LARS1: variants seen among roughly 807,000 people sequenced by gnomAD.
The protein encoded by LARS1 is leucine--tRNA ligase, cytoplasmic.
In LARS1, 100 loss-of-function variants were observed where a neutral mutation model predicts 162.8. The observed-to-expected ratio is 0.61, with a 90% CI of 0.52 to 0.73. LARS1 has a LOEUF of 0.73. Among genes scored for constraint, LARS1 ranks in the 30% least tolerant of loss-of-function variants. The probability of loss-of-function intolerance (pLI) is 0.00; values close to 1 mark genes in which losing one functional copy is unlikely to be tolerated. For missense variants in LARS1, 1,258 were observed against 1,408.9 expected (o/e 0.89, Z 1.71); for synonymous variants, 457 against 462.8 (o/e 0.99, Z 0.16).
intron 22 of LARS1, among the ~76,000 whole-genome samples, chr5:146,134,758 G>C (rs1752434981): frequency 6.6e-6 from 1 of 152,168 alleles, no homozygotes; most frequent in African/African-American, 2.4e-5. Flanking sequence ...AGACCAGCCT[G>C]GCCAACAAGG....
chr5:146,143,606 C>A, intron 18 of LARS1, 56 bp from the exon 19 acceptor site: 1 of 1,552,030 alleles, frequency 6.4e-7, no homozygotes, highest in Non-Finnish European at 8.8e-7. Flanking sequence ...TCTATAGAAT[C>A]CACATTTTTA....
At chr5:146,160,316 G>C (rs966707317) in intron 7 of LARS1, 58 bp downstream of exon 7, 1 of 934,354 alleles carries the variant, frequency 1.1e-6, no homozygotes, top group Non-Finnish European at 1.6e-6. Flanking sequence ...GATTACAGGC[G>C]TGAGCCTCTG....
rs758907744 is a variant in LARS1 at position 146,157,802 on chromosome 5, A to C, written c.772-7T>G. ...ATTCCTGAGGTCCAACACCCTAAGC[A>C]AATAAACGATACAAAAATTTGAAGG... is the stretch of plus-strand genomic sequence containing the variant. On this transcript the variant is annotated splice_region_variant and splice_polypyrimidine_tract_variant and intron_variant, in intron 8 of 31. Transcript: ENST00000394434. The C allele has an allele frequency of 6.2e-7, 1 of 1,613,574 alleles. No homozygotes were observed. The highest frequency in any genetic ancestry group is 2.2e-5 in the East Asian group (1 of 44,880).
intron 15 of LARS1, 29 bp from the exon 16 acceptor site, chr5:146,144,738 G>C (rs57329881): frequency 1.3e-6 from 2 of 1,551,500 alleles, no homozygotes; most frequent in African/African-American, 2.7e-5. Flanking sequence ...ACATACATTA[G>C]ATACTATGTC....
chr5:146,179,607 C>G (rs1255515051), intron 1 of LARS1: 5 of 377,228 alleles, frequency 1.3e-5, no homozygotes, highest in Non-Finnish European at 1.6e-5. Flanking sequence ...GTGTGTGTGT[C>G]TGTGTGAGAG....
chr5:146,125,010 C>A (rs1294444989), intron 28 of LARS1, among the ~76,000 whole-genome samples: 1 of 151,862 alleles, frequency 6.6e-6, no homozygotes, highest in Non-Finnish European at 1.5e-5. Flanking sequence ...TATACACACA[C>A]ACACACGCAC....
chr5:146,162,086 A>G (rs1753804319), intron 6 of LARS1, among the ~76,000 whole-genome samples: 1 of 152,202 alleles, frequency 6.6e-6, no homozygotes, highest in Non-Finnish European at 1.5e-5. Flanking sequence ...AGTTAAAATC[A>G]GCTTCTTCCA....
At chr5:146,118,880 TACC>T (rs1175776465) in intron 31 of LARS1, among the ~76,000 whole-genome samples, 1 of 152,204 alleles carries the variant, frequency 6.6e-6, no homozygotes, top group Non-Finnish European at 1.5e-5. Flanking sequence ...AGGTATATTT[TACC>T]ACAATTAAAA....
chr5:146,145,931 A>AT (rs2126492227), intron 15 of LARS1, among the ~76,000 whole-genome samples: 1 of 152,394 alleles, frequency 6.6e-6, no homozygotes, highest in East Asian at 1.9e-4. Flanking sequence ...AATGACAAAT[A>AT]TATTAGCAGC....
chr5:146,134,110 C>T (rs1752408521), intron 22 of LARS1, among the ~76,000 whole-genome samples: 1 of 152,176 alleles, frequency 6.6e-6, no homozygotes, highest in Non-Finnish European at 1.5e-5. Flanking sequence ...TCCCAAAGTG[C>T]TGGGATTACA....
intron 31 of LARS1, among the ~76,000 whole-genome samples, chr5:146,115,040 CG>C (rs199997204): frequency 4.3e-4 from 39 of 90,094 alleles, no homozygotes; most frequent in Middle Eastern, 5.8e-3. Context: ...AAGATTCTGT[CG>C]GGGGGAAAAA....
At chr5:146,140,772 T>C (rs1308447228) in intron 20 of LARS1, among the ~76,000 whole-genome samples, 2 of 152,090 alleles carry the variant, frequency 1.3e-5, no homozygotes, top group East Asian at 1.9e-4. Flanking sequence ...GCCACTGCAC[T>C]CCAGCCTAGG....
intron 15 of LARS1, among the ~76,000 whole-genome samples, chr5:146,146,073 T>TAG (rs1275839408): frequency 1.3e-5 from 2 of 152,060 alleles, no homozygotes. Flanking sequence ...GCTCTAGAAA[T>TAG]AGAGATAAGG....
chr5:146,126,295 T>C, intron 28 of LARS1, 140 bp downstream of exon 28: 2 of 540,914 alleles, frequency 3.7e-6, no homozygotes, highest in Non-Finnish European at 6.6e-6. Flanking sequence ...TGATAGATCA[T>C]TTCTCTCAGT....
At chr5:146,135,813 G>A in intron 21 of LARS1, 149 bp from the exon 22 acceptor site, 1 of 582,432 alleles carries the variant, frequency 1.7e-6, no homozygotes, top group Non-Finnish European at 2.9e-6. Context: ...ACTAATTTTA[G>A]AGCGGTGAAA....
chr5:146,114,956 A>G (rs1764134137), intron 31 of LARS1, among the ~76,000 whole-genome samples: 1 of 148,954 alleles, frequency 6.7e-6, no homozygotes, highest in Non-Finnish European at 1.5e-5. Flanking sequence ...AGGCAGTGGA[A>G]TTGCTTGAAC....
rs747873467 is a variant in LARS1 at position 146,138,424 on chromosome 5, GAAA to G, written c.2148+1777_2148+1779del. The G allele has an allele frequency of 4.6e-5, 6 of 131,610 alleles. No individual in the cohort carries two copies. In the East Asian group the frequency reaches 8.7e-4, roughly 19 times the overall value. 8.2% of individuals were successfully genotyped at this position (131,610 alleles called of 1,614,324 possible). A position where few individuals can be genotyped will look rare whatever the true frequency, so the allele number is the denominator to read the frequency against. ...AAATAAAAGTGGATTTGTTAAAAAGGAAAAAAAAAAAAAAAGAAATGGCTGGGT... is the reference window on the plus strand; with the variant it reads ...AAATAAAAGTGGATTTGTTAAAAAGGAAAAAAAAAAAAGAAATGGCTGGGT... On this transcript the variant is annotated intron_variant, in intron 21 of 31. Transcript: ENST00000394434.
chr5:146,166,384 G>A (rs1256169682), intron 5 of LARS1, among the ~76,000 whole-genome samples: 3 of 151,914 alleles, frequency 2.0e-5, no homozygotes, highest in East Asian at 1.9e-4. Flanking sequence ...AACAAATTAC[G>A]GTGTTGTTAA....
In LARS1 at chr5:146,153,940, T is replaced by C. The variant is rs1015857879; in HGVS notation, c.1106A>G (p.Tyr369Cys). The C allele has an allele frequency of 1.9e-6, 3 of 1,612,074 alleles. No homozygotes were observed. Among genetic ancestry groups the C allele is most frequent in the South Asian group, 1.1e-5 (1 of 90,856 alleles). The change falls in exon 11 of 32, where the codon TAC becomes TGC. Residue 369 changes from tyrosine to cysteine, a missense_variant. Tyr to Cys is a radical substitution (Grantham distance 194). Coordinates refer to ENST00000394434, the MANE Select transcript of LARS1 (RefSeq NM_020117.11). ...GASLSAPLTSYKVIYVLPMLT... is the reference protein window; with the variant it reads ...GASLSAPLTSCKVIYVLPMLT... ...CATTGGGAGAACATAGATCACCTTGTATGATGTTAAAGGTGCAGAAAGTGA... is the reference window on the plus strand; with the variant it reads ...CATTGGGAGAACATAGATCACCTTGCATGATGTTAAAGGTGCAGAAAGTGA...
Sources: allele counts gnomAD v4.1 joint callset (sites outside exome capture counted in the v4.1 genomes callset), GRCh38; gene constraint gnomAD v4.1.1; transcripts MANE v1.5; gene names NCBI Gene and HGNC (gene_info 2026-07-23, HGNC 2026-07-21).